The following CTNNA3 variants were observed in gnomAD, a reference collection of about 807,000 sequenced individuals.
CTNNA3 encodes the protein catenin alpha 3.
Under a neutral mutation model 95.7 loss-of-function variants are expected in CTNNA3, and 76 were observed. That is an observed-to-expected ratio of 0.79 (90% confidence interval 0.66 to 0.96). The LOEUF (loss-of-function observed/expected upper bound fraction) is 0.96, where lower values mean the gene tolerates loss of function less well. Among genes scored for constraint, CTNNA3 ranks in the 40% least tolerant of loss-of-function variants. CTNNA3 has a pLI of 0.00. For synonymous variants in CTNNA3, 431 were observed against 374.4 expected (o/e 1.15, Z -1.74); for missense variants, 1,191 against 1,089.8 (o/e 1.09, Z -1.31).
intron 9 of CTNNA3, among the ~76,000 whole-genome samples, chr10:66,692,226 A>G (rs1284035462): frequency 1.3e-5 from 2 of 152,290 alleles, no homozygotes; most frequent in African/African-American, 4.8e-5. Flanking sequence ...AAAAATTTAG[A>G]TGAATGTATA....
chr10:67,452,081 A>AGGAAGGAC (rs1847010204), intron 5 of CTNNA3, among the ~76,000 whole-genome samples: 1 of 151,206 alleles, frequency 6.6e-6, no homozygotes, highest in Non-Finnish European at 1.5e-5. Flanking sequence ...GAAGGAAGGA[A>AGGAAGGAC]GGAAGGAAGG....
chr10:66,557,261 A>G (rs1243471226), intron 10 of CTNNA3, among the ~76,000 whole-genome samples: 2 of 152,084 alleles, frequency 1.3e-5, no homozygotes, highest in African/African-American at 2.4e-5. Context: ...TAGCATATCA[A>G]TTTTCTATAA....
intron 9 of CTNNA3, among the ~76,000 whole-genome samples, chr10:66,631,018 C>T (rs4746605): frequency 0.37 from 56,748 of 151,982 alleles, 10,782 homozygotes; most frequent in Middle Eastern, 0.51. Context: ...CCAAATACTA[C>T]AAGAAGATAG....
chr10:66,420,841 A>ATAAATAAATAAAAAC (rs1324728982), intron 11 of CTNNA3, among the ~76,000 whole-genome samples: 2 of 147,622 alleles, frequency 1.4e-5, no homozygotes, highest in African/African-American at 5.0e-5. Flanking sequence ...AAATAAATAA[A>ATAAATAAATAAAAAC]AAACAATATG....
intron 17 of CTNNA3, among the ~76,000 whole-genome samples, chr10:65,963,142 C>A (rs1306237541): frequency 6.6e-6 from 1 of 152,198 alleles, no homozygotes; most frequent in Admixed American, 6.5e-5. Flanking sequence ...CTATTGCCAT[C>A]TCAAACTAAG....
chr10:66,367,884 ATTATT>A (rs2092724326), intron 12 of CTNNA3, among the ~76,000 whole-genome samples: 40 of 20,632 alleles, frequency 1.9e-3, no homozygotes, highest in African/African-American at 6.9e-3. Context: ...AATAATAATT[ATTATT>A]ATTATTATTA....
intron 11 of CTNNA3, among the ~76,000 whole-genome samples, chr10:66,440,921 C>A (rs1207429181): frequency 2.0e-5 from 3 of 152,110 alleles, no homozygotes; most frequent in Non-Finnish European, 4.4e-5. Flanking sequence ...GTATAAATTC[C>A]AACAATGTGA....
chr10:67,531,533 C>G (rs561506297), intron 4 of CTNNA3, among the ~76,000 whole-genome samples: 2 of 152,338 alleles, frequency 1.3e-5, no homozygotes, highest in Middle Eastern at 3.4e-3. Flanking sequence ...TGTATTTACC[C>G]AATGCCTGTA....
At chr10:67,008,027 A>C (rs1189261874) in intron 7 of CTNNA3, among the ~76,000 whole-genome samples, 1 of 151,986 alleles carries the variant, frequency 6.6e-6, no homozygotes, top group Non-Finnish European at 1.5e-5. Context: ...CAGTATAAGA[A>C]CTTTAAATGA....
rs546245716 is a variant in CTNNA3 at position 67,298,312 on chromosome 10, A to C, written c.580-78442T>G. ...TCCGAAGGTAATATGTATTGCATTCAAAATCCGAAGTGTCTCACCAAGCAT... is the reference window on the plus strand; with the variant it reads ...TCCGAAGGTAATATGTATTGCATTCCAAATCCGAAGTGTCTCACCAAGCAT... On this transcript the variant is annotated intron_variant, in intron 5 of 17. Coordinates refer to ENST00000433211, the MANE Select transcript of CTNNA3 (RefSeq NM_013266.4). 2.6e-5 allele frequency among the ~76,000 whole-genome samples: 4 copies of C among 152,340 alleles called. No individual in the cohort carries two copies. In the South Asian group the frequency reaches 8.3e-4, roughly 32 times the overall value.
At chr10:66,574,175 A>G (rs568431231) in intron 10 of CTNNA3, among the ~76,000 whole-genome samples, 1 of 152,222 alleles carries the variant, frequency 6.6e-6, no homozygotes, top group African/African-American at 2.4e-5. Flanking sequence ...AATTTAACTC[A>G]GAAATGCCGT....
intron 7 of CTNNA3, among the ~76,000 whole-genome samples, chr10:67,142,579 C>T (rs781731435): frequency 6.6e-6 from 1 of 152,136 alleles, no homozygotes; most frequent in Non-Finnish European, 1.5e-5. Flanking sequence ...CTCTATATTA[C>T]TGTAGCCTAT....
chr10:67,011,716 G>C (rs1462401473), intron 7 of CTNNA3, among the ~76,000 whole-genome samples: 1 of 152,114 alleles, frequency 6.6e-6, no homozygotes, highest in Non-Finnish European at 1.5e-5. Flanking sequence ...ACTTTTCTAA[G>C]CACTTTATAT....
intron 1 of CTNNA3, chr10:67,751,199 T>G: frequency 7.8e-7 from 1 of 1,281,612 alleles, no homozygotes; most frequent in Non-Finnish European, 1.1e-6. Flanking sequence ...AATCCTCTCA[T>G]TTGGAGGACT....
intron 16 of CTNNA3, among the ~76,000 whole-genome samples, chr10:65,969,663 G>A (rs2078053420): frequency 1.3e-5 from 2 of 152,084 alleles, no homozygotes; most frequent in Admixed American, 1.3e-4. Context: ...CTAAGTAGAG[G>A]AAAGAATTTC....
chr10:67,173,481 T>G (rs1470382087), intron 7 of CTNNA3, among the ~76,000 whole-genome samples: 21 of 152,204 alleles, frequency 1.4e-4, no homozygotes. Context: ...CAATCTGCCT[T>G]TCTTTATATG....
At chr10:67,112,623 C>G (rs1021404702) in intron 7 of CTNNA3, among the ~76,000 whole-genome samples, 1 of 147,438 alleles carries the variant, frequency 6.8e-6, no homozygotes, top group Non-Finnish European at 1.5e-5. Flanking sequence ...GTTTTTCATT[C>G]TTTTTTTTTT....
intron 7 of CTNNA3, among the ~76,000 whole-genome samples, chr10:66,829,991 G>C (rs1842660409): frequency 6.6e-6 from 1 of 150,488 alleles, no homozygotes; most frequent in Non-Finnish European, 1.5e-5. Context: ...TCAGCCTCCA[G>C]AGTAGCTGGG....
chr10:66,538,708 A>T (rs1564519966), intron 10 of CTNNA3, among the ~76,000 whole-genome samples: 1 of 152,174 alleles, frequency 6.6e-6, no homozygotes, highest in African/African-American at 2.4e-5. Context: ...AAAACTGCTG[A>T]TTTTAAGTAG....
Sources: allele counts gnomAD v4.1 joint callset (sites outside exome capture counted in the v4.1 genomes callset), GRCh38; gene constraint gnomAD v4.1.1; transcripts MANE v1.5; gene names NCBI Gene and HGNC (gene_info 2026-07-23, HGNC 2026-07-21).